Variants in DACH1 observed in about 807,000 individuals in gnomAD.
DACH1 encodes dachshund homolog 1.
Under a neutral mutation model 54.2 loss-of-function variants are expected in DACH1, and 12 were observed. The observed-to-expected ratio is 0.22, with a 90% CI of 0.14 to 0.36. DACH1 has a LOEUF of 0.36. Ranked by LOEUF, DACH1 falls within the 10% of genes least tolerant of loss-of-function variation. The pLI is 1.00. For synonymous variants in DACH1, 386 were observed against 366.2 expected (o/e 1.05, Z -0.62); for missense variants, 805 against 929.8 (o/e 0.87, Z 1.75).
chr13:71,808,075 T>C (rs1594245854), intron 1 of DACH1, among the ~76,000 whole-genome samples: 1 of 152,150 alleles, frequency 6.6e-6, no homozygotes, highest in South Asian at 2.1e-4. Context: ...TACTCTCTCC[T>C]TGACATCACC....
intron 3 of DACH1, among the ~76,000 whole-genome samples, chr13:71,601,699 C>G (rs1240314333): frequency 2.0e-5 from 3 of 151,858 alleles, no homozygotes; most frequent in Non-Finnish European, 4.4e-5. Context: ...TGTCAGTACT[C>G]TATTATCAGG....
intron 10 of DACH1, among the ~76,000 whole-genome samples, chr13:71,453,508 A>G (rs1875267746): frequency 6.6e-6 from 1 of 152,156 alleles, no homozygotes; most frequent in South Asian, 2.1e-4. Context: ...TATCTCTAAG[A>G]AAAAAACCAG....
chr13:71,484,448 T>C (rs192365039), intron 7 of DACH1, among the ~76,000 whole-genome samples: 7 of 152,272 alleles, frequency 4.6e-5, no homozygotes, highest in Admixed American at 4.6e-4. Flanking sequence ...ATTACAGGTA[T>C]GAGTCACAGC....
At chr13:71,719,213 A>T (rs1883121187) in intron 1 of DACH1, among the ~76,000 whole-genome samples, 1 of 152,240 alleles carries the variant, frequency 6.6e-6, no homozygotes, top group Non-Finnish European at 1.5e-5. Flanking sequence ...CTTCTTCTGT[A>T]TGAATGCAAC....
At chr13:71,656,578 C>G (rs1566410715) in intron 2 of DACH1, among the ~76,000 whole-genome samples, 1 of 151,902 alleles carries the variant, frequency 6.6e-6, no homozygotes, top group Non-Finnish European at 1.5e-5. Context: ...GTTGTCTTTT[C>G]TTTCCAACAT....
At chr13:71,653,977 A>T (rs560613694) in intron 2 of DACH1, among the ~76,000 whole-genome samples, 2 of 152,324 alleles carry the variant, frequency 1.3e-5, no homozygotes, top group East Asian at 3.9e-4. Context: ...AACTATAGTC[A>T]GCGTTCTGTT....
intron 1 of DACH1, among the ~76,000 whole-genome samples, chr13:71,766,934 A>G (rs1382795745): frequency 9.2e-5 from 14 of 152,096 alleles, no homozygotes; most frequent in Middle Eastern, 3.4e-3. Context: ...TATGTGAAAA[A>G]CTATAGTCTA....
chr13:71,812,167 A>C (rs759591719), intron 1 of DACH1, among the ~76,000 whole-genome samples: 21 of 152,204 alleles, frequency 1.4e-4, no homozygotes, highest in Non-Finnish European at 2.9e-4. Flanking sequence ...ATGTTTAAAT[A>C]CAGAGCATAA....
intron 6 of DACH1, among the ~76,000 whole-genome samples, chr13:71,546,552 A>G (rs1190789606): frequency 6.6e-6 from 1 of 152,024 alleles, no homozygotes; most frequent in Non-Finnish European, 1.5e-5. Flanking sequence ...AAACATATTG[A>G]GCATTCATTC....
At chr13:71,671,383 G>T (rs1475686420) in intron 2 of DACH1, among the ~76,000 whole-genome samples, 1 of 151,846 alleles carries the variant, frequency 6.6e-6, no homozygotes, top group Non-Finnish European at 1.5e-5. Flanking sequence ...TAGCAAGTAC[G>T]ATTGCTTAAG....
chr13:71,650,027 A>C lies in DACH1; in HGVS notation c.965-19310T>G, dbSNP rs548336692. Among the ~76,000 whole-genome samples, 18 of 152,324 alleles carry C rather than the reference A, an allele frequency of 1.2e-4. No individual in the cohort carries two copies. The East Asian group carries it at 3.1e-3, about 26-fold the overall frequency. On this transcript the variant is annotated intron_variant, in intron 2 of 10. Coordinates refer to ENST00000613252, the MANE Select transcript of DACH1 (RefSeq NM_080759.6). ...GCCAAGCACTTTGACCTTTATTAAA[A>C]GCTACCCCATGATACACACAAAGTC... is the stretch of plus-strand genomic sequence containing the variant.
At chr13:71,488,541 CA>C (rs1330911071) in intron 7 of DACH1, among the ~76,000 whole-genome samples, 1 of 151,940 alleles carries the variant, frequency 6.6e-6, no homozygotes, top group Non-Finnish European at 1.5e-5. Context: ...TGAAAGAAGG[CA>C]TTTTTTTGGA....
intron 10 of DACH1, among the ~76,000 whole-genome samples, chr13:71,474,458 G>A (rs780976143): frequency 6.6e-6 from 1 of 152,112 alleles, no homozygotes; most frequent in Admixed American, 6.5e-5. Flanking sequence ...ATGTTGTTAG[G>A]TTGAATTTGT....
At chr13:71,673,787 C>T (rs918703787) in intron 2 of DACH1, among the ~76,000 whole-genome samples, 1 of 152,096 alleles carries the variant, frequency 6.6e-6, no homozygotes, top group African/African-American at 2.4e-5. Context: ...ATGTTCCATG[C>T]TACTATGTTA....
At chr13:71,475,311 C>T (rs946059789) in intron 9 of DACH1, 102 bp from the exon 10 acceptor site, 15 of 982,418 alleles carry the variant, frequency 1.5e-5, no homozygotes, top group African/African-American at 8.2e-5. Context: ...ATTAAAATTA[C>T]GTAAATCTTT....
At chr13:71,857,938 A>C (rs2138282072) in intron 1 of DACH1, among the ~76,000 whole-genome samples, 1 of 151,846 alleles carries the variant, frequency 6.6e-6, no homozygotes, top group East Asian at 1.9e-4. Context: ...TTAAAATATA[A>C]GACTATGAAT....
intron 3 of DACH1, among the ~76,000 whole-genome samples, chr13:71,575,941 T>C (rs1885501088): frequency 6.6e-6 from 1 of 152,088 alleles, no homozygotes; most frequent in Non-Finnish European, 1.5e-5. Flanking sequence ...TCTATTAGCA[T>C]GAATAAATAA....
chr13:71,669,015 T>G (rs1468075281), intron 2 of DACH1, among the ~76,000 whole-genome samples: 10 of 152,178 alleles, frequency 6.6e-5, no homozygotes, highest in Admixed American at 6.5e-4. Flanking sequence ...ACTGATATAT[T>G]CAAACATTCA....
At chr13:71,693,472 T>TC (rs1406750520) in intron 1 of DACH1, among the ~76,000 whole-genome samples, 1 of 116,058 alleles carries the variant, frequency 8.6e-6, no homozygotes, top group African/African-American at 4.5e-5. Flanking sequence ...CCGGCAAATT[T>TC]TTTTTTTTTT....
Sources: allele counts gnomAD v4.1 joint callset (sites outside exome capture counted in the v4.1 genomes callset), GRCh38; gene constraint gnomAD v4.1.1; transcripts MANE v1.5; gene names NCBI Gene and HGNC (gene_info 2026-07-23, HGNC 2026-07-21).